Variants in EVC2 observed in about 807,000 individuals in gnomAD.
EVC2 encodes the protein EvC ciliary complex subunit 2, also known as limbin.
A neutral mutation model predicts 149.3 loss-of-function variants in EVC2; 148 were observed. The ratio of observed to expected loss-of-function variants is 0.99; its 90% confidence interval spans 0.87 to 1.14. The LOEUF is 1.14. EVC2 is among the 50% of genes most tolerant of loss of function. The pLI is 0.00. For synonymous variants in EVC2, 776 were observed against 649.9 expected (o/e 1.19, Z -2.95); for missense variants, 1,854 against 1,627.3 (o/e 1.14, Z -2.40).
chr4:5,615,632 A>C, intron 15 of EVC2, 88 bp from the exon 16 acceptor site: 5 of 1,589,340 alleles, frequency 3.1e-6, no homozygotes, highest in Middle Eastern at 1.7e-4. Flanking sequence ...GGTCAAGAGA[A>C]GTTTCTGCAG....
intron 16 of EVC2, among the ~76,000 whole-genome samples, chr4:5,596,708 G>A (rs1182749973): frequency 2.6e-5 from 4 of 151,998 alleles, no homozygotes; most frequent in Admixed American, 6.5e-5. Context: ...AAGGCAAGAA[G>A]TAACTAAAAT....
At position 5,613,038 on chromosome 4, in the gene EVC2, G is replaced by T. The variant is rs1384086840; in HGVS notation, c.2829+2384C>A. Among the ~76,000 whole-genome samples, 3 of 152,074 alleles carry T rather than the reference G, an allele frequency of 2.0e-5. No homozygotes were observed. The highest frequency in any genetic ancestry group is 7.2e-5 in the African/African-American group (3 of 41,410). On this transcript the variant is annotated intron_variant, in intron 16 of 21. Coordinates refer to ENST00000344408, the MANE Select transcript of EVC2 (RefSeq NM_147127.5). The surrounding 1 kb of genome is among the most constrained non-coding windows in gnomAD (Gnocchi z 4.6). ...GTTGAGGTCCAGCCTTGAGCCACTG[G>T]GTGGGAGCGGTGCGGTCTGCACCTG...
At chr4:5,630,386 A>T (rs192008569) in intron 11 of EVC2, among the ~76,000 whole-genome samples, 1 of 152,022 alleles carries the variant, frequency 6.6e-6, no homozygotes, top group East Asian at 1.9e-4. Flanking sequence ...CTGTGCCCGC[A>T]CCTCCTCTGG....
chr4:5,671,374 G>A (rs1361481029), intron 7 of EVC2, among the ~76,000 whole-genome samples: 1 of 152,168 alleles, frequency 6.6e-6, no homozygotes, highest in African/African-American at 2.4e-5. Flanking sequence ...CTCACCTTTT[G>A]GGGGTGAGGG....
Position 5,685,389 on chromosome 4 carries a change from G to C in EVC2, c.797C>G (p.Thr266Ser), listed in dbSNP as rs750135425. The C allele has an allele frequency of 9.3e-6, 15 of 1,614,234 alleles. No homozygotes were observed. Among genetic ancestry groups the C allele is most frequent in the Non-Finnish European group, 1.3e-5 (15 of 1,180,024 alleles). ...GESLKLPAQL[T>S]FQSSSRNRTQ... ...TCATACCCGTGACGAGCTCTGAAAGGTGAGTTGGGCAGGAAGCTTGAGGCT... is the reference window on the plus strand; with the variant it reads ...TCATACCCGTGACGAGCTCTGAAAGCTGAGTTGGGCAGGAAGCTTGAGGCT... The change falls in exon 6 of 22, where the codon ACC (threonine) becomes AGC (serine). Residue 266 changes from threonine (T) to serine (S), a missense_variant. Transcript: ENST00000344408.
chr4:5,593,418 G>A (rs199905165), intron 16 of EVC2, among the ~76,000 whole-genome samples: 23 of 152,060 alleles, frequency 1.5e-4, no homozygotes, highest in Non-Finnish European at 3.2e-4. Flanking sequence ...ATGCTCCTTG[G>A]TTAAATTCTT....
downstream of EVC2, among the ~76,000 whole-genome samples, chr4:5,560,346 G>C (rs1034055257): frequency 6.6e-6 from 1 of 152,130 alleles, no homozygotes; most frequent in Non-Finnish European, 1.5e-5. The surrounding 1 kb of genome is among the most constrained non-coding windows in gnomAD (Gnocchi z 4.1). Context: ...AAAGAAAAGA[G>C]GTTAAATTGA....
At chr4:5,655,177 C>T (rs1377944865) in intron 9 of EVC2, among the ~76,000 whole-genome samples, 1 of 152,214 alleles carries the variant, frequency 6.6e-6, no homozygotes, top group Admixed American at 6.5e-5. Flanking sequence ...TTACAAACCC[C>T]ATAAGAACCC....
chr4:5,700,551 G>C (rs185515012), intron 1 of EVC2, among the ~76,000 whole-genome samples: 2 of 152,114 alleles, frequency 1.3e-5, no homozygotes, highest in African/African-American at 4.8e-5. Context: ...AGGAGGAAGG[G>C]GCAGGTTCCC....
At chr4:5,668,727 T>C (rs1333025661) in intron 7 of EVC2, among the ~76,000 whole-genome samples, 2 of 152,214 alleles carry the variant, frequency 1.3e-5, no homozygotes, top group Admixed American at 1.3e-4. Flanking sequence ...ACTTGTTTTT[T>C]CATCTTCGAG....
the EVC2 span, among the ~76,000 whole-genome samples, chr4:5,531,854 G>A: frequency 0.22 from 33,750 of 151,852 alleles, 4,382 homozygotes; most frequent in East Asian, 0.67. Flanking sequence ...CTGAAACCAC[G>A]CTCCTGCCAG....
intron 16 of EVC2, among the ~76,000 whole-genome samples, chr4:5,592,571 C>T (rs768571138): frequency 6.6e-6 from 1 of 152,232 alleles, no homozygotes; most frequent in Non-Finnish European, 1.5e-5. Flanking sequence ...TGCCAGGGAA[C>T]AGCAGTCTCC....
chr4:5,707,124 C>T (rs67736444), intron 1 of EVC2, among the ~76,000 whole-genome samples: 36,447 of 152,030 alleles, frequency 0.24, 4,433 homozygotes, highest in Non-Finnish European at 0.26. Context: ...GGCCTGGGGA[C>T]GCGGCTCCCT....
intron 21 of EVC2, among the ~76,000 whole-genome samples, chr4:5,556,179 CAAAAAAAAAAAAAAAA>C (rs61024761): frequency 4.6e-5 from 3 of 65,020 alleles, no homozygotes; most frequent in Admixed American, 2.6e-4. Flanking sequence ...GACTCCGTCT[CAAAAAAAAAAAAAAAA>C]AAAAAAAAAA....
intron 21 of EVC2, among the ~76,000 whole-genome samples, chr4:5,554,330 G>A (rs1721794321): frequency 6.6e-6 from 1 of 152,120 alleles, no homozygotes. Context: ...AAACCTTCAT[G>A]GTCATTTTGA....
At position 5,708,131 on chromosome 4, in the gene EVC2, C is replaced by G. The variant is rs551542563; in HGVS notation, c.228+155G>C. 1.2e-5 allele frequency: 7 copies of G among 583,680 alleles called. No homozygotes were observed. In the South Asian group the frequency reaches 3.1e-4, roughly 26 times the overall value. The allele number at this position is 583,680 out of a possible 1,614,324, so 36.2% of individuals were successfully genotyped here. On this transcript the variant is annotated intron_variant, in intron 1 of 21. Transcript: ENST00000344408. Reference sequence around the variant, plus strand: ...TCCCTCGAAGCTTTCTGGCCGTGAGCGGGATACACCTAAGGGCCGCGAAGC... The same window carrying G: ...TCCCTCGAAGCTTTCTGGCCGTGAGGGGGATACACCTAAGGGCCGCGAAGC...
At chr4:5,642,715 T>C (rs867017512) in intron 9 of EVC2, among the ~76,000 whole-genome samples, 2 of 152,190 alleles carry the variant, frequency 1.3e-5, no homozygotes, top group Non-Finnish European at 2.9e-5. Flanking sequence ...TACACCAGGA[T>C]CCTCACATTT....
At chr4:5,708,646 G>T, upstream of EVC2, 1 of 604,856 alleles carries the variant, frequency 1.7e-6, no homozygotes, top group Admixed American at 4.3e-5. Flanking sequence ...ACAAACACCC[G>T]CATCTGGGGC....
rs773040426 is a variant in EVC2 at position 5,663,247 on chromosome 4, C to G, written c.1006-1G>C. On this transcript the variant is annotated splice_acceptor_variant, in intron 8 of 21. Coordinates refer to ENST00000344408, the MANE Select transcript of EVC2 (RefSeq NM_147127.5). LOFTEE classifies it high-confidence loss of function. ...CCAGCTTGCTCTCATACTGCCAAACCTTCAGGAGAATTGCGGAAATAATAA... is the reference window on the plus strand; with the variant it reads ...CCAGCTTGCTCTCATACTGCCAAACGTTCAGGAGAATTGCGGAAATAATAA... 6.2e-7 allele frequency: 1 copy of G among 1,614,046 alleles called. No individual in the cohort carries two copies.
Sources: allele counts gnomAD v4.1 joint callset (sites outside exome capture counted in the v4.1 genomes callset), GRCh38; gene constraint gnomAD v4.1.1; non-coding constraint Gnocchi (gnomAD v3.1); transcripts MANE v1.5; gene names NCBI Gene and HGNC (gene_info 2026-07-23, HGNC 2026-07-21).